The following YTHDC1 variants were observed in gnomAD, a reference collection of about 807,000 sequenced individuals.
The protein encoded by YTHDC1 is YTH domain-containing protein 1.
YTHDC1 carries 12 observed loss-of-function variants against 107.0 expected under a neutral mutation model. That is an observed-to-expected ratio of 0.11 (90% CI 0.07 to 0.18). YTHDC1 has a LOEUF of 0.18. Ranked by LOEUF, YTHDC1 falls within the 10% of genes least tolerant of loss-of-function variation. The pLI, the probability that YTHDC1 is intolerant of heterozygous loss-of-function variation, is 1.00. For synonymous variants in YTHDC1, 280 were observed against 289.5 expected (o/e 0.97, Z 0.33); for missense variants, 635 against 898.8 (o/e 0.71, Z 3.75).
chr4:68,333,411 GA>G lies in YTHDC1; in HGVS notation c.884-15del. ...TCTTTTTCTCATCTAAAAAGAACAA[GA>G]GTTTTTTTTTTAAATCACAATACAG... is the stretch of plus-strand genomic sequence containing the variant. On this transcript the variant is annotated splice_polypyrimidine_tract_variant and intron_variant, in intron 4 of 16. Transcript: ENST00000344157. 1 of 1,567,614 alleles carries G rather than the reference GA, an allele frequency of 6.4e-7. No individual in the cohort carries two copies. The highest frequency in any genetic ancestry group is 1.4e-5 in the African/African-American group (1 of 72,798).
At chr4:68,349,637 A>ACC in intron 1 of YTHDC1, 89 bp downstream of exon 1, 2 of 124,940 alleles carry the variant, frequency 1.6e-5, no homozygotes, top group Non-Finnish European at 3.3e-5. Flanking sequence ...CCCAACCCCC[A>ACC]CCCCCCACCC....
At chr4:68,349,290 TC>T (rs2109756133) in intron 1 of YTHDC1, among the ~76,000 whole-genome samples, 1 of 152,356 alleles carries the variant, frequency 6.6e-6, no homozygotes, top group African/African-American at 2.4e-5. Flanking sequence ...CAGTGCCACT[TC>T]CTAAACTTGC....
intron 7 of YTHDC1, 46 bp from the exon 8 acceptor site, chr4:68,330,356 CTT>C (rs766803779): frequency 1.6e-6 from 2 of 1,289,882 alleles, no homozygotes; most frequent in Non-Finnish European, 2.1e-6. Flanking sequence ...AACTACAACT[CTT>C]TTGTGTTTCC....
At chr4:68,347,755 C>T (rs565771210) in intron 1 of YTHDC1, among the ~76,000 whole-genome samples, 62 of 152,110 alleles carry the variant, frequency 4.1e-4, no homozygotes, top group African/African-American at 1.5e-3. Flanking sequence ...CTTAAGAGTC[C>T]CACTTTTCCT....
intron 9 of YTHDC1, among the ~76,000 whole-genome samples, chr4:68,328,429 T>C (rs1723221916): frequency 6.6e-6 from 1 of 152,224 alleles, no homozygotes; most frequent in Non-Finnish European, 1.5e-5. Flanking sequence ...ACCAAGTTTA[T>C]ATTTTAAAAC....
chr4:68,340,574 GAT>G lies in YTHDC1; in HGVS notation c.29-2192_29-2191del, dbSNP rs1724703703. Reference sequence around the variant, plus strand: ...CTCTAAATTATAAAAAAAATAGTCTGATAGAAGTAAATCAATGTTTTACAGAT... The same window carrying G: ...CTCTAAATTATAAAAAAAATAGTCTGAGAAGTAAATCAATGTTTTACAGAT... On this transcript the variant is annotated intron_variant, in intron 1 of 16. Coordinates refer to ENST00000344157, the MANE Select transcript of YTHDC1 (RefSeq NM_001031732.4). 2.6e-5 allele frequency among the ~76,000 whole-genome samples: 4 copies of G among 152,114 alleles called. No individual in the cohort carries two copies. The South Asian group carries it at 8.3e-4, about 32-fold the overall frequency.
chr4:68,337,405 A>G lies in YTHDC1; in HGVS notation c.505T>C (p.Ser169Pro). 1 of 1,614,150 alleles carries G rather than the reference A, an allele frequency of 6.2e-7. No individual in the cohort carries two copies. The highest frequency in any genetic ancestry group is 1.1e-5 in the South Asian group (1 of 91,082). Reference protein sequence around the residue: ...VDRRASRSSQSSKEEVNSEEY... With the variant: ...VDRRASRSSQPSKEEVNSEEY... ...TCAGAGTTCACTTCTTCCTTAGAAG[A>G]CTGGCTGGATCTGCTTGCACGTCTA... Residue 169 changes from serine (S) to proline (P), a missense_variant, in exon 4 of 17, where the codon TCT (serine) becomes CCT (proline). Around this residue, in one of 5 missense-constraint regions of YTHDC1, gnomAD observed 294 missense variants for 312.3 expected, o/e 0.94. Coordinates refer to ENST00000344157, the MANE Select transcript of YTHDC1 (RefSeq NM_001031732.4).
At chr4:68,331,566 A>G (rs1381580892) in intron 7 of YTHDC1, among the ~76,000 whole-genome samples, 5 of 152,000 alleles carry the variant, frequency 3.3e-5, no homozygotes, top group Non-Finnish European at 7.4e-5. Flanking sequence ...ATAAAAAGAA[A>G]ATTATTATCT....
chr4:68,337,811 G>A lies in YTHDC1; in HGVS notation c.220C>T (p.Leu74=). ...TTGTTATTGCTAACAGATGAGCTCA[G>A]TGGCTTAGAAACCAGTTGTCTAGAA... ...VHSRQLVSKP[L]SSSVSNNKRI... The change falls in exon 3 of 17, where the codon CTG becomes TTG. Residue 74 remains leucine, a synonymous_variant. Transcript: ENST00000344157. 1 of 1,614,016 alleles carries A rather than the reference G, an allele frequency of 6.2e-7. No homozygotes were observed. Among genetic ancestry groups the A allele is most frequent in the Non-Finnish European group, 8.5e-7 (1 of 1,180,024 alleles).
In YTHDC1 at chr4:68,337,236, A is replaced by G; in HGVS notation, c.674T>C (p.Val225Ala). Residue 225 changes from valine (V) to alanine (A), a missense_variant, in exon 4 of 17, where the codon GTG becomes GCG. Around this residue, in one of 5 missense-constraint regions of YTHDC1, gnomAD observed 294 missense variants for 312.3 expected, o/e 0.94. Coordinates refer to ENST00000344157, the MANE Select transcript of YTHDC1 (RefSeq NM_001031732.4). ...CTCCTCCTCCTCTCCATCTTCATCC[A>G]CCTCTTCATCTTCTTCTGCATCTTC... ...VEEDAEEDEEVDEDGEEEEEE... is the reference protein window; with the variant it reads ...VEEDAEEDEEADEDGEEEEEE... 6.3e-7 allele frequency: 1 copy of G among 1,585,104 alleles called. No homozygotes were observed. Among genetic ancestry groups the G allele is most frequent in the Non-Finnish European group, 8.6e-7 (1 of 1,163,214 alleles).
chr4:68,316,304 G>C lies in YTHDC1; in HGVS notation c.1959+10C>G, dbSNP rs370279761. The C allele has an allele frequency of 6.2e-7, 1 of 1,609,322 alleles. No homozygotes were observed. The highest frequency in any genetic ancestry group is 1.1e-5 in the South Asian group (1 of 90,342). ...AGTTCCCTCACACCTTTGCCTCCTTGTGCACTTACTACTCGTTTATCTCTG... is the reference window on the plus strand; with the variant it reads ...AGTTCCCTCACACCTTTGCCTCCTTCTGCACTTACTACTCGTTTATCTCTG... On this transcript the variant is annotated intron_variant, in intron 16 of 16. Transcript: ENST00000344157.
intron 1 of YTHDC1, among the ~76,000 whole-genome samples, chr4:68,342,269 C>T (rs930151082): frequency 6.6e-6 from 1 of 152,120 alleles, no homozygotes; most frequent in African/African-American, 2.4e-5. Flanking sequence ...TGACAAGTCT[C>T]GTTGATGTCT....
At chr4:68,334,495 C>T (rs1578053954) in intron 4 of YTHDC1, among the ~76,000 whole-genome samples, 1 of 152,222 alleles carries the variant, frequency 6.6e-6, no homozygotes, top group East Asian at 1.9e-4. Context: ...GACTCAAGGG[C>T]AGGTCCTCTG....
intron 9 of YTHDC1, among the ~76,000 whole-genome samples, chr4:68,329,115 T>C (rs980045473): frequency 6.6e-6 from 1 of 152,132 alleles, no homozygotes; most frequent in African/African-American, 2.4e-5. Context: ...AATAAACATT[T>C]AGGCTGACTC....
chr4:68,332,653 T>C, intron 6 of YTHDC1, 141 bp downstream of exon 6: 1 of 699,036 alleles, frequency 1.4e-6, no homozygotes, highest in Non-Finnish European at 2.3e-6. Context: ...CACAGAGCTT[T>C]CTATGTTAAG....
intron 15 of YTHDC1, among the ~76,000 whole-genome samples, chr4:68,317,728 T>C (rs1321906545): frequency 6.6e-6 from 1 of 152,208 alleles, no homozygotes; most frequent in East Asian, 1.9e-4. Context: ...ACAATGAAAA[T>C]GACACTACTA....
intron 9 of YTHDC1, among the ~76,000 whole-genome samples, chr4:68,328,021 G>A (rs1723184153): frequency 6.6e-6 from 1 of 152,130 alleles, no homozygotes; most frequent in African/African-American, 2.4e-5. Flanking sequence ...GACAAATTGA[G>A]TCTGTCTACC....
chr4:68,337,379 T>C lies in YTHDC1; in HGVS notation c.531A>G (p.Glu177=). ...CAGTCTCATGGTCAGAGCCATATTC[T>C]TCAGAGTTCACTTCTTCCTTAGAAG... ...SQSSKEEVNS[E]EYGSDHETGS... Residue 177 remains glutamate, a synonymous_variant, in exon 4 of 17, where the codon GAA becomes GAG. Transcript: ENST00000344157. The C allele has an allele frequency of 6.2e-7, 1 of 1,614,178 alleles. No homozygotes were observed. Among genetic ancestry groups the C allele is most frequent in the Non-Finnish European group, 8.5e-7 (1 of 1,180,024 alleles).
chr4:68,327,584 C>T (rs1723136159), intron 9 of YTHDC1, among the ~76,000 whole-genome samples: 1 of 151,946 alleles, frequency 6.6e-6, no homozygotes, highest in Non-Finnish European at 1.5e-5. Context: ...GGGATCACAC[C>T]TAAAAAAGCT....
Sources: gnomAD v4.1 joint callset for allele counts (sites outside exome capture counted in the v4.1 genomes callset) on GRCh38, gnomAD v4.1.1 for gene constraint, gnomAD v4.1.1 regional missense constraint, MANE v1.5 for transcripts, NCBI Gene and HGNC (gene_info 2026-07-23, HGNC 2026-07-21) for gene names.